GDE1: variants seen among roughly 807,000 people sequenced by gnomAD.
GDE1 encodes glycerophosphodiester phosphodiesterase 1, also known as RGS16-interacting membrane protein.
In GDE1, 24 loss-of-function variants were observed where a neutral mutation model predicts 32.2. The observed-to-expected ratio is 0.75, with a 90% CI of 0.54 to 1.05. GDE1 has a LOEUF of 1.05. Among genes scored for constraint, GDE1 ranks in the 50% least tolerant of loss-of-function variants. The pLI, the probability that GDE1 is intolerant of heterozygous loss-of-function variation, is 0.00. For missense variants in GDE1, 380 were observed against 415.0 expected, an observed-to-expected ratio of 0.92 and a Z score of 0.73; for synonymous variants, 159 against 158.6, an observed-to-expected ratio of 1.00 and a Z score of -0.02.
At chr16:19,505,333 T>G (rs1969233485) in intron 4 of GDE1, among the ~76,000 whole-genome samples, 1 of 152,178 alleles carries the variant, frequency 6.6e-6, no homozygotes. Context: ...TGCAATCCTA[T>G]CTTTAAAATG....
chr16:19,503,296 G>T lies in GDE1; in HGVS notation c.*174C>A. ...GTGTTGAACTCTGGCATGCCATGGT[G>T]CATGGTGGCAACACCGGGTTTAGCT... On this transcript the variant is annotated 3_prime_UTR_variant, in exon 6 of 6. Coordinates refer to ENST00000353258, the MANE Select transcript of GDE1 (RefSeq NM_016641.4). The T allele has an allele frequency of 1.6e-6, 1 of 616,178 alleles. No individual in the cohort carries two copies. The allele number at this position is 616,178 out of a possible 1,614,324, so 38.2% of individuals were successfully genotyped here.
In GDE1 at chr16:19,522,075, C is replaced by G; in HGVS notation, c.-111G>C. On this transcript the variant is annotated 5_prime_UTR_variant, in exon 1 of 6. Coordinates refer to ENST00000353258, the MANE Select transcript of GDE1 (RefSeq NM_016641.4). Reference sequence around the variant, plus strand: ...AGGCACCGGCAGCAGCAGGAACCCTCTGAGGGGACCAGCGCCGCACAATGG... The same window carrying G: ...AGGCACCGGCAGCAGCAGGAACCCTGTGAGGGGACCAGCGCCGCACAATGG... The G allele has an allele frequency of 8.8e-7, 1 of 1,132,902 alleles. No individual in the cohort carries two copies. Among genetic ancestry groups the G allele is most frequent in the Non-Finnish European group, 1.2e-6 (1 of 820,830 alleles). 70.2% of individuals were successfully genotyped at this position (1,132,902 alleles called of 1,614,324 possible). A position where few individuals can be genotyped will look rare whatever the true frequency, so the allele number is the denominator to read the frequency against.
chr16:19,509,849 CAG>C (rs757494242), intron 3 of GDE1, among the ~76,000 whole-genome samples: 103 of 152,032 alleles, frequency 6.8e-4, no homozygotes, highest in Non-Finnish European at 1.3e-3. Context: ...TTAGTGGAGA[CAG>C]GGGTTTCACC....
Position 19,505,072 on chromosome 16 carries a change from A to G in GDE1, c.657T>C (p.Asp219=), listed in dbSNP as rs1290421840. ...VIYKMRQTDR[D]VITALTHRPW... Reference sequence around the variant, plus strand: ...GTCTGTGAGTTAATGCTGTTATTACATCCCGATCTGTTTGTCTCATCTGCA... The same window carrying G: ...GTCTGTGAGTTAATGCTGTTATTACGTCCCGATCTGTTTGTCTCATCTGCA... Residue 219 remains aspartate, a synonymous_variant, in exon 5 of 6, where the codon GAT becomes GAC. Transcript: ENST00000353258. The G allele has an allele frequency of 1.2e-6, 2 of 1,610,794 alleles. No individual in the cohort carries two copies. The highest frequency in any genetic ancestry group is 3.3e-5 in the Admixed American group (2 of 59,988).
intron 4 of GDE1, among the ~76,000 whole-genome samples, chr16:19,505,530 T>A (rs1473251756): frequency 6.6e-6 from 1 of 150,732 alleles, no homozygotes; most frequent in African/African-American, 2.4e-5. Flanking sequence ...GTTGTAGGGG[T>A]GAGGAGGGGG....
chr16:19,508,301 G>C lies in GDE1; in HGVS notation c.544-522C>G, dbSNP rs113119278. Among the ~76,000 whole-genome samples, 336 of 152,170 alleles carry C rather than the reference G, an allele frequency of 2.2e-3. 1 individual carries two copies. The highest frequency in any genetic ancestry group is 3.7e-3 in the Non-Finnish European group (250 of 68,002). On this transcript the variant is annotated intron_variant, in intron 3 of 5. Coordinates refer to ENST00000353258, the MANE Select transcript of GDE1 (RefSeq NM_016641.4). ...TAGGAGGGACTGGGAAGAGTTAAGG[G>C]GCTCCCAATTCTTCCCAAGGTGAAC...
Position 19,522,073 on chromosome 16 carries a change from C to T in GDE1, c.-109G>A, listed in dbSNP as rs1969472184. 1 of 1,167,924 alleles carries T rather than the reference C, an allele frequency of 8.6e-7. No homozygotes were observed. The highest frequency in any genetic ancestry group is 1.2e-6 in the Non-Finnish European group (1 of 852,406). The allele number at this position is 1,167,924 out of a possible 1,614,324, so 72.3% of individuals were successfully genotyped here. On this transcript the variant is annotated 5_prime_UTR_variant, in exon 1 of 6. Coordinates refer to ENST00000353258, the MANE Select transcript of GDE1 (RefSeq NM_016641.4). ...CAAGGCACCGGCAGCAGCAGGAACC[C>T]TCTGAGGGGACCAGCGCCGCACAAT...
intron 2 of GDE1, among the ~76,000 whole-genome samples, chr16:19,516,561 T>C (rs1198739193): frequency 1.3e-5 from 2 of 152,198 alleles, no homozygotes; most frequent in African/African-American, 2.4e-5. Context: ...TACTGCAAAG[T>C]GCTATTCTAG....
intron 1 of GDE1, among the ~76,000 whole-genome samples, chr16:19,518,024 A>T (rs1433405945): frequency 6.6e-6 from 1 of 151,710 alleles, no homozygotes; most frequent in African/African-American, 2.4e-5. Context: ...AGTAGCCGGG[A>T]CTACTGGCAC....
chr16:19,519,709 A>AGGCAGT (rs2151450171), intron 1 of GDE1, among the ~76,000 whole-genome samples: 1 of 152,308 alleles, frequency 6.6e-6, no homozygotes, highest in South Asian at 2.1e-4. Flanking sequence ...AAAGCTGGCC[A>AGGCAGT]GGCAGTGGCT....
At position 19,507,667 on chromosome 16, in the gene GDE1, A is replaced by G. The variant is rs780349553; in HGVS notation, c.636+20T>C. ...TACACCAGCTCACCTAATATGTACA[A>G]GAAAAATCCCGAATGTTACCTTGTA... is the stretch of plus-strand genomic sequence containing the variant. On this transcript the variant is annotated intron_variant, in intron 4 of 5. Transcript: ENST00000353258. 1 of 1,281,402 alleles carries G rather than the reference A, an allele frequency of 7.8e-7. No homozygotes were observed. The highest frequency in any genetic ancestry group is 1.1e-6 in the Non-Finnish European group (1 of 876,392). 79.4% of individuals were successfully genotyped at this position (1,281,402 alleles called of 1,614,324 possible). A position where few individuals can be genotyped will look rare whatever the true frequency, so the allele number is the denominator to read the frequency against.
chr16:19,503,648 A>G, intron 5 of GDE1, 31 bp from the exon 6 acceptor site: 1 of 1,594,742 alleles, frequency 6.3e-7, no homozygotes, highest in Non-Finnish European at 8.6e-7. Context: ...ATCCTGTTAG[A>G]ATAATAAGCA....
chr16:19,516,926 C>T, intron 2 of GDE1, 88 bp downstream of exon 2: 1 of 1,154,096 alleles, frequency 8.7e-7, no homozygotes. Flanking sequence ...AGACAACTCT[C>T]CTGGGGCAGA....
At chr16:19,507,405 G>A (rs980449535) in intron 4 of GDE1, among the ~76,000 whole-genome samples, 2 of 152,122 alleles carry the variant, frequency 1.3e-5, no homozygotes, top group Non-Finnish European at 2.9e-5. Context: ...GTGAGAAGTA[G>A]GGGCTACATA....
intron 5 of GDE1, chr16:19,504,052 TC>T (rs1169631482): frequency 6.4e-6 from 1 of 155,870 alleles, no homozygotes. Context: ...TTCTCTCTGA[TC>T]TGGATTCCTC....
At chr16:19,521,365 TAA>T (rs1052613647) in intron 1 of GDE1, 5 of 273,940 alleles carry the variant, frequency 1.8e-5, no homozygotes, top group African/African-American at 1.1e-4. Context: ...TTCACTCTCT[TAA>T]AGTTATCTCA....
chr16:19,504,538 G>T, intron 5 of GDE1: 1 of 203,084 alleles, frequency 4.9e-6, no homozygotes, highest in Non-Finnish European at 1.0e-5. Context: ...GGAGGCTGGT[G>T]CCCACAGGAT....
At chr16:19,520,670 C>T (rs948236679) in intron 1 of GDE1, among the ~76,000 whole-genome samples, 4 of 145,788 alleles carry the variant, frequency 2.7e-5, no homozygotes, top group African/African-American at 5.1e-5. Flanking sequence ...GGTTGCAGTG[C>T]GTGGAGATTG....
intron 5 of GDE1, chr16:19,503,908 G>T: frequency 3.2e-6 from 1 of 309,152 alleles, no homozygotes; most frequent in Non-Finnish European, 6.0e-6. Flanking sequence ...CTGTCTCCTT[G>T]GCTTCATCTC....
Sources: allele counts gnomAD v4.1 joint callset (sites outside exome capture counted in the v4.1 genomes callset), GRCh38; gene constraint gnomAD v4.1.1; transcripts MANE v1.5; gene names NCBI Gene and HGNC (gene_info 2026-07-23, HGNC 2026-07-21).